Variants in AHCY observed in about 807,000 individuals in gnomAD.
AHCY encodes S-adenosyl-L-homocysteine hydrolase.
A neutral mutation model predicts 45.4 loss-of-function variants in AHCY; 24 were observed. That is an observed-to-expected ratio of 0.53 (90% CI 0.38 to 0.74). The LOEUF (loss-of-function observed/expected upper bound fraction) is 0.74, where lower values mean the gene tolerates loss of function less well. AHCY is among the 30% of genes least tolerant of loss of function. The probability of loss-of-function intolerance (pLI) is 0.00; values close to 1 mark genes in which losing one functional copy is unlikely to be tolerated. For synonymous variants in AHCY, 245 were observed against 235.1 expected, an observed-to-expected ratio of 1.04 and a Z score of -0.39; for missense variants, 449 against 594.1, an observed-to-expected ratio of 0.76 and a Z score of 2.54.
Position 34,293,726 on chromosome 20 carries a change from C to A in AHCY, c.295+355G>T. ...TTCCTCAGTCCTTTAGACCGCCATACCCTAGGCAGTGAACCTCTTTTTCTG... is the reference window on the plus strand; with the variant it reads ...TTCCTCAGTCCTTTAGACCGCCATAACCTAGGCAGTGAACCTCTTTTTCTG... On this transcript the variant is annotated intron_variant, in intron 3 of 9. Transcript: ENST00000217426. 5.2e-6 allele frequency: 2 copies of A among 380,986 alleles called. 1 individual carries two copies. Among genetic ancestry groups the A allele is most frequent in the South Asian group, 4.3e-5 (2 of 47,054 alleles). The allele number at this position is 380,986 out of a possible 1,614,324, so 23.6% of individuals were successfully genotyped here.
At chr20:34,279,731 T>C (rs1193578451), downstream of AHCY, among the ~76,000 whole-genome samples, 2 of 152,204 alleles carry the variant, frequency 1.3e-5, no homozygotes, top group African/African-American at 4.8e-5. Flanking sequence ...CAGCCCCTCA[T>C]GCCTCACTGA....
At position 34,290,290 on chromosome 20, in the gene AHCY, C is replaced by T. The variant is rs938267074; in HGVS notation, c.972+42G>A. ...CCCTGGCAGCCAGCACTCCTCTGCA[C>T]TCCCATCTGCCCAGCCCACTGGCAA... On this transcript the variant is annotated intron_variant, in intron 8 of 9. Transcript: ENST00000217426. This position sits in a 1 kb window ranked among gnomAD's most constrained non-coding sequence, Gnocchi z 4.5. 8.2e-6 allele frequency: 13 copies of T among 1,588,938 alleles called. No homozygotes were observed. The highest frequency in any genetic ancestry group is 4.0e-5 in the African/African-American group (3 of 74,394).
At chr20:34,258,820 CTATATATAGTATTA>C in the AHCY span, among the ~76,000 whole-genome samples, 1 of 105,210 alleles carries the variant, frequency 9.5e-6, no homozygotes. Context: ...ATATATAATA[CTATATATAGTATTA>C]TATATATAGT....
chr20:34,281,661 G>A, intron 9 of AHCY: 1 of 204,208 alleles, frequency 4.9e-6, no homozygotes, highest in Non-Finnish European at 1.0e-5. Context: ...CCAGTGTTTG[G>A]ATCCGAGAAT....
downstream of AHCY, among the ~76,000 whole-genome samples, chr20:34,278,265 G>C (rs2122703200): frequency 6.6e-6 from 1 of 152,308 alleles, no homozygotes; most frequent in South Asian, 2.1e-4. Flanking sequence ...CCTCCGAACA[G>C]GAAAGGAAGA....
At position 34,290,219 on chromosome 20, in the gene AHCY, C is replaced by T; in HGVS notation, c.972+113G>A. On this transcript the variant is annotated intron_variant, in intron 8 of 9. Transcript: ENST00000217426. This position sits in a 1 kb window ranked among gnomAD's most constrained non-coding sequence, Gnocchi z 4.5. ...GCTGGCTCTGATGCTAGGCCCTCTT[C>T]TCCCCATCCCCCTGCACAGGTTGCC... 9.6e-7 allele frequency: 1 copy of T among 1,045,796 alleles called. No homozygotes were observed. 64.8% of individuals were successfully genotyped at this position (1,045,796 alleles called of 1,614,324 possible). A position where few individuals can be genotyped will look rare whatever the true frequency, so the allele number is the denominator to read the frequency against.
upstream of AHCY, chr20:34,303,413 C>G (rs968318159): frequency 2.2e-5 from 28 of 1,252,144 alleles, no homozygotes; most frequent in Admixed American, 1.4e-4. Flanking sequence ...TATTCATGAC[C>G]CGCTGGGGCG....
At chr20:34,283,922 A>G (rs902233603) in intron 9 of AHCY, among the ~76,000 whole-genome samples, 1 of 152,258 alleles carries the variant, frequency 6.6e-6, no homozygotes, top group African/African-American at 2.4e-5. Context: ...AAAGGCTGGA[A>G]GAGCAAGAGC....
At chr20:34,247,540 AC>A in the AHCY span, among the ~76,000 whole-genome samples, 27 of 151,528 alleles carry the variant, frequency 1.8e-4, no homozygotes, top group African/African-American at 6.3e-4. Flanking sequence ...CTCGTGATCC[AC>A]CCACCTCAGC....
At chr20:34,242,912 A>G in the AHCY span, among the ~76,000 whole-genome samples, 1 of 152,272 alleles carries the variant, frequency 6.6e-6, no homozygotes, top group African/African-American at 2.4e-5. Context: ...GAGAAGGAGA[A>G]AAGGCAGAGA....
chr20:34,273,537 T>C, the AHCY span, among the ~76,000 whole-genome samples: 16 of 152,280 alleles, frequency 1.1e-4, no homozygotes, highest in African/African-American at 3.9e-4. Flanking sequence ...AGCCCCTCCA[T>C]CTTTTTGAGC....
At chr20:34,299,931 TC>T (rs1288920059) in intron 1 of AHCY, among the ~76,000 whole-genome samples, 7 of 152,320 alleles carry the variant, frequency 4.6e-5, no homozygotes, top group African/African-American at 1.7e-4. Flanking sequence ...CAGCCTGTAA[TC>T]CCAGCACTTT....
the AHCY span, among the ~76,000 whole-genome samples, chr20:34,241,978 T>C: frequency 6.6e-6 from 1 of 152,180 alleles, no homozygotes; most frequent in Non-Finnish European, 1.5e-5. Flanking sequence ...AGACTCTCCT[T>C]TTCCTTTGTA....
the AHCY span, among the ~76,000 whole-genome samples, chr20:34,242,790 AGTT>A: frequency 1.3e-5 from 2 of 152,204 alleles, no homozygotes; most frequent in African/African-American, 4.8e-5. Flanking sequence ...TCTGCTGTAA[AGTT>A]GTTGAGAGCT....
At chr20:34,265,348 C>T in the AHCY span, among the ~76,000 whole-genome samples, 2 of 151,960 alleles carry the variant, frequency 1.3e-5, no homozygotes, top group East Asian at 3.9e-4. Flanking sequence ...CATGATGAAA[C>T]CTCATCTCTA....
rs146829385 is a variant in AHCY at position 34,290,386 on chromosome 20, G to A, written c.918C>T (p.Ile306=). The change falls in exon 8 of 10, where the codon ATC becomes ATT. Residue 306 remains isoleucine, a synonymous_variant. Coordinates refer to ENST00000217426, the MANE Select transcript of AHCY (RefSeq NM_000687.4). The surrounding 1 kb of genome is among the most constrained non-coding windows in gnomAD (Gnocchi z 4.5). The part of the protein sequence containing the change: ...VCNIGHFDVE[I]DVKWLNENAV... ...CGTTCTCGTTGAGCCACTTGACATCGATCTCCACGTCAAAGTGTCCAATGT... is the reference window on the plus strand; with the variant it reads ...CGTTCTCGTTGAGCCACTTGACATCAATCTCCACGTCAAAGTGTCCAATGT... The A allele has an allele frequency of 1.8e-4, 294 of 1,614,148 alleles. 1 individual carries two copies. The highest frequency in any genetic ancestry group is 6.6e-4 in the Middle Eastern group (4 of 6,062).
chr20:34,295,319 C>T (rs1208547451), intron 2 of AHCY, 76 bp downstream of exon 2: 2 of 1,576,250 alleles, frequency 1.3e-6, no homozygotes, highest in Non-Finnish European at 1.7e-6. Context: ...GGTCCCCACC[C>T]TGGCACAGTC....
At chr20:34,287,716 TGAG>T (rs1375915426) in intron 8 of AHCY, among the ~76,000 whole-genome samples, 3 of 152,092 alleles carry the variant, frequency 2.0e-5, no homozygotes, top group African/African-American at 7.2e-5. Context: ...TGAGCTGGGC[TGAG>T]AAGATGAACA....
At chr20:34,253,179 C>G in the AHCY span, among the ~76,000 whole-genome samples, 34 of 151,640 alleles carry the variant, frequency 2.2e-4, no homozygotes, top group Non-Finnish European at 4.0e-4. Context: ...TCACTCAGCT[C>G]ACTGCAAGCT....
Sources: allele counts gnomAD v4.1 joint callset (sites outside exome capture counted in the v4.1 genomes callset), GRCh38; gene constraint gnomAD v4.1.1; non-coding constraint Gnocchi (gnomAD v3.1); transcripts MANE v1.5; gene names NCBI Gene and HGNC (gene_info 2026-07-23, HGNC 2026-07-21).